Variants in TBXAS1 observed in about 807,000 individuals in gnomAD.
TBXAS1 encodes thromboxane-A synthase.
In TBXAS1, 48 loss-of-function variants were observed where a neutral mutation model predicts 60.7. That is an observed-to-expected ratio of 0.79 (90% CI 0.63 to 1.01). TBXAS1 has a LOEUF of 1.01. Among genes scored for constraint, TBXAS1 ranks in the 50% least tolerant of loss-of-function variants. The pLI is 0.00. For missense variants in TBXAS1, 685 were observed against 686.3 expected, an observed-to-expected ratio of 1.00 and a Z score of 0.02; for synonymous variants, 287 against 269.7, an observed-to-expected ratio of 1.06 and a Z score of -0.63.
At chr7:139,881,512 T>C (rs2116875316) in intron 3 of TBXAS1, among the ~76,000 whole-genome samples, 1 of 152,340 alleles carries the variant, frequency 6.6e-6, no homozygotes, top group East Asian at 1.9e-4. Context: ...CCAAATGATT[T>C]GAAATGTCAC....
At chr7:139,874,359 G>A (rs986240224) in intron 2 of TBXAS1, among the ~76,000 whole-genome samples, 4 of 152,134 alleles carry the variant, frequency 2.6e-5, no homozygotes, top group South Asian at 4.1e-4. Context: ...TGAGGAAAAC[G>A]GCGTAGCTGT....
chr7:139,845,370 G>T (rs1190899087), intron 1 of TBXAS1, among the ~76,000 whole-genome samples: 1 of 152,078 alleles, frequency 6.6e-6, no homozygotes, highest in Admixed American at 6.5e-5. Flanking sequence ...GCTCCCAGGT[G>T]CTCACAGCTC....
rs1171550990 is a variant in TBXAS1, at chr7:139,916,247, T to C, written c.333+4926T>C. Reference sequence around the variant, plus strand: ...TTGTTCTTGGCCTCCTATCAAGGCCTAGAGTTAGGGAGCTGTGGGAAGGGT... The same window carrying C: ...TTGTTCTTGGCCTCCTATCAAGGCCCAGAGTTAGGGAGCTGTGGGAAGGGT... On this transcript the variant is annotated intron_variant, in intron 4 of 12. Coordinates refer to ENST00000448866, the MANE Select transcript of TBXAS1 (RefSeq NM_001061.7). The surrounding 1 kb of genome is among the most constrained non-coding windows in gnomAD (Gnocchi z 4.2). 6.6e-6 allele frequency among the ~76,000 whole-genome samples: 1 copy of C among 152,120 alleles called. No homozygotes were observed. The highest frequency in any genetic ancestry group is 2.4e-5 in the African/African-American group (1 of 41,420).
intron 4 of TBXAS1, among the ~76,000 whole-genome samples, chr7:139,803,648 C>T (rs994687791): frequency 1.3e-5 from 2 of 152,118 alleles, no homozygotes; most frequent in African/African-American, 2.4e-5. Flanking sequence ...AAATGGTTTC[C>T]TGGGCCAGGC....
chr7:139,922,105 T>C (rs910677555), intron 4 of TBXAS1, among the ~76,000 whole-genome samples: 3 of 151,240 alleles, frequency 2.0e-5, no homozygotes, highest in South Asian at 2.1e-4. Flanking sequence ...TTTTCTTTTT[T>C]TTTTTTTTTC....
chr7:139,811,149 A>G (rs920473623), intron 4 of TBXAS1, among the ~76,000 whole-genome samples: 7 of 152,256 alleles, frequency 4.6e-5, no homozygotes, highest in African/African-American at 1.7e-4. Flanking sequence ...AACCTGAAGT[A>G]TATTGTGATT....
chr7:139,835,922 C>A (rs1799026372), intron 1 of TBXAS1, among the ~76,000 whole-genome samples: 1 of 152,062 alleles, frequency 6.6e-6, no homozygotes, highest in Admixed American at 6.6e-5. Context: ...TAAAAGAATT[C>A]AGTAGTTTCC....
chr7:139,891,867 C>T lies in TBXAS1; in HGVS notation c.236+16230C>T, dbSNP rs1803647298. On this transcript the variant is annotated intron_variant, in intron 3 of 12. Coordinates refer to ENST00000448866, the MANE Select transcript of TBXAS1 (RefSeq NM_001061.7). ...GGTAATGGTACTATTTTACTGGAGA[C>T]AAATAAAAGGAATTAGGGGGAGAGT... is the stretch of plus-strand genomic sequence containing the variant. Among the ~76,000 whole-genome samples the T allele has an allele frequency of 2.0e-5, 3 of 151,972 alleles. No individual in the cohort carries two copies. In the South Asian group the frequency reaches 6.2e-4, roughly 32 times the overall value.
At chr7:139,942,124 A>G (rs1379340506) in intron 5 of TBXAS1, among the ~76,000 whole-genome samples, 1 of 152,256 alleles carries the variant, frequency 6.6e-6, no homozygotes, top group East Asian at 1.9e-4. Context: ...TACATTTAGG[A>G]GAAAGGCATC....
chr7:139,968,233 G>A (rs1045087376), intron 9 of TBXAS1, among the ~76,000 whole-genome samples: 1 of 152,182 alleles, frequency 6.6e-6, no homozygotes, highest in South Asian at 2.1e-4. Context: ...CTCCTTTCAG[G>A]GTATAGATTT....
intron 9 of TBXAS1, among the ~76,000 whole-genome samples, chr7:139,983,740 T>C (rs1205635788): frequency 6.6e-6 from 1 of 152,198 alleles, no homozygotes; most frequent in East Asian, 1.9e-4. Context: ...ACATTTTTTT[T>C]TCTAGTTGTC....
In TBXAS1 at chr7:139,962,111, T is replaced by G. The variant is rs1351448955; in HGVS notation, c.1012T>G (p.Phe338Val). The G allele has an allele frequency of 3.1e-6, 5 of 1,614,116 alleles. No homozygotes were observed. In the African/African-American group the frequency reaches 6.7e-5, roughly 22 times the overall value. ...TGAGATTGTGGGCCAGGCCTTCATC[T>G]TCCTCATCGCTGGCTATGAAATCAT... is the stretch of plus-strand genomic sequence containing the variant. The part of the protein sequence containing the change: ...VDEIVGQAFI[F>V]LIAGYEIITN... Residue 338 changes from phenylalanine (F) to valine (V), a missense_variant, in exon 9 of 13, where the codon TTC (phenylalanine) becomes GTC (valine). By Grantham distance (50) the Phe-to-Val change is conservative. Transcript: ENST00000448866.
chr7:139,993,960 T>C (rs1446097952), intron 9 of TBXAS1, among the ~76,000 whole-genome samples: 3 of 149,678 alleles, frequency 2.0e-5, no homozygotes, highest in African/African-American at 7.4e-5. Context: ...AGTGGCTTAC[T>C]GCAGCCTTTG....
At chr7:139,899,319 C>T (rs1450195819) in intron 3 of TBXAS1, among the ~76,000 whole-genome samples, 2 of 152,178 alleles carry the variant, frequency 1.3e-5, no homozygotes, top group African/African-American at 2.4e-5. Flanking sequence ...CCCACCACCA[C>T]CAGGAACAGT....
At chr7:140,007,264 T>A (rs1289948146) in intron 10 of TBXAS1, 82 bp downstream of exon 10, 5 of 1,250,208 alleles carry the variant, frequency 4.0e-6, no homozygotes, top group Non-Finnish European at 5.8e-6. Flanking sequence ...AGGGCCCTCC[T>A]CCATCAGTTA....
intron 7 of TBXAS1, among the ~76,000 whole-genome samples, chr7:139,956,953 T>A (rs566640254): frequency 2.0e-5 from 3 of 152,222 alleles, no homozygotes; most frequent in Non-Finnish European, 4.4e-5. Context: ...CCAGCTCCCA[T>A]AGAGCCCGGT....
At chr7:139,805,660 C>CTT (rs1457894833) in intron 4 of TBXAS1, among the ~76,000 whole-genome samples, 90 of 101,460 alleles carry the variant, frequency 8.9e-4, no homozygotes, top group African/African-American at 2.8e-3. Flanking sequence ...CCTTCTTTTT[C>CTT]TCTTTCTTTC....
At chr7:139,840,698 G>A (rs533204504) in intron 1 of TBXAS1, among the ~76,000 whole-genome samples, 1 of 152,300 alleles carries the variant, frequency 6.6e-6, no homozygotes, top group African/African-American at 2.4e-5. Flanking sequence ...TGAGGTTCCA[G>A]GGTTGACGTA....
chr7:139,854,081 C>A (rs768094483), intron 1 of TBXAS1, among the ~76,000 whole-genome samples: 33 of 151,986 alleles, frequency 2.2e-4, no homozygotes, highest in Non-Finnish European at 4.4e-5. Context: ...AGGAAGCAAG[C>A]ACCTAGGCCC....
Sources: allele counts gnomAD v4.1 joint callset (sites outside exome capture counted in the v4.1 genomes callset), GRCh38; gene constraint gnomAD v4.1.1; non-coding constraint Gnocchi (gnomAD v3.1); transcripts MANE v1.5; gene names NCBI Gene and HGNC (gene_info 2026-07-23, HGNC 2026-07-21).